The following DOCK8 variants were observed in gnomAD, a reference collection of about 807,000 sequenced individuals.
DOCK8 encodes dedicator of cytokinesis protein 8.
DOCK8 carries 141 observed loss-of-function variants against 245.6 expected under a neutral mutation model. That is an observed-to-expected ratio of 0.57 (90% CI 0.50 to 0.66). The LOEUF (loss-of-function observed/expected upper bound fraction) is 0.66, where lower values mean the gene tolerates loss of function less well. DOCK8 is among the 30% of genes least tolerant of loss of function. The pLI is 0.00. For missense variants in DOCK8, 2,965 were observed against 2,603.4 expected (o/e 1.14, Z -3.02); for synonymous variants, 1,168 against 970.2 (o/e 1.20, Z -3.79).
intron 1 of DOCK8, among the ~76,000 whole-genome samples, chr9:254,335 C>G (rs2047719417): frequency 6.6e-6 from 1 of 152,170 alleles, no homozygotes; most frequent in African/African-American, 2.4e-5. Context: ...GAATAATTCC[C>G]AACTCTTGCT....
At chr9:373,890 A>T (rs1342680546) in intron 18 of DOCK8, among the ~76,000 whole-genome samples, 1 of 152,100 alleles carries the variant, frequency 6.6e-6, no homozygotes, top group Non-Finnish European at 1.5e-5. Flanking sequence ...TCTTATCATC[A>T]AGTTGCACAC....
At chr9:326,383 A>G (rs1001324075) in intron 8 of DOCK8, among the ~76,000 whole-genome samples, 1 of 152,194 alleles carries the variant, frequency 6.6e-6, no homozygotes, top group African/African-American at 2.4e-5. Flanking sequence ...GTTAACTGCT[A>G]AAACAAGCAG....
intron 1 of DOCK8, among the ~76,000 whole-genome samples, chr9:217,117 C>G (rs971839302): frequency 6.6e-6 from 1 of 152,106 alleles, no homozygotes; most frequent in African/African-American, 2.4e-5. Flanking sequence ...AATTTAGAGA[C>G]AGTACAGAAA....
At chr9:397,207 C>A (rs964943725) in intron 25 of DOCK8, among the ~76,000 whole-genome samples, 1 of 151,412 alleles carries the variant, frequency 6.6e-6, no homozygotes, top group Non-Finnish European at 1.5e-5. Flanking sequence ...TAAAAATTAG[C>A]TGAGCATGGT....
At chr9:214,071 A>G (rs2046674511), upstream of DOCK8, 1 of 157,616 alleles carries the variant, frequency 6.3e-6, no homozygotes, top group African/African-American at 2.4e-5. Flanking sequence ...GAGGCATTAT[A>G]TGGAGAGTGC....
intron 11 of DOCK8, among the ~76,000 whole-genome samples, chr9:336,110 G>T (rs2051297505): frequency 6.6e-6 from 1 of 152,322 alleles, no homozygotes. Context: ...CACATAATGA[G>T]AGCAGAGGAA....
At chr9:306,809 G>A (rs1251281487) in intron 5 of DOCK8, among the ~76,000 whole-genome samples, 2 of 152,168 alleles carry the variant, frequency 1.3e-5, no homozygotes, top group African/African-American at 2.4e-5. Context: ...CAGGTCTAGG[G>A]GAAGATCTTG....
At chr9:401,205 A>AG (rs964715737) in intron 26 of DOCK8, among the ~76,000 whole-genome samples, 15 of 150,984 alleles carry the variant, frequency 9.9e-5, no homozygotes, top group Admixed American at 2.6e-4. Context: ...TAAAATAAGA[A>AG]GGGGGGGTTG....
At chr9:299,450 A>T (rs112106769) in intron 4 of DOCK8, among the ~76,000 whole-genome samples, 2 of 151,986 alleles carry the variant, frequency 1.3e-5, no homozygotes, top group South Asian at 2.1e-4. Flanking sequence ...TTTTGTAGAG[A>T]TGCGGTTTCA....
intron 4 of DOCK8, among the ~76,000 whole-genome samples, chr9:301,551 AACTAGCTCTGTC>A (rs762178713): frequency 6.6e-6 from 1 of 152,242 alleles, no homozygotes; most frequent in Non-Finnish European, 1.5e-5. Context: ...GAGGAAGTCA[AACTAGCTCTGTC>A]ACAGTGCAGG....
intron 1 of DOCK8, among the ~76,000 whole-genome samples, chr9:255,808 T>TA (rs1225226912): frequency 6.6e-6 from 1 of 152,138 alleles, no homozygotes; most frequent in East Asian, 1.9e-4. Context: ...CTATATTTTA[T>TA]ACAACAAACA....
At chr9:452,874 T>C (rs76938458) in intron 46 of DOCK8, 1 of 152,206 alleles carries the variant, frequency 6.6e-6, no homozygotes, top group Non-Finnish European at 1.5e-5. Context: ...TTGTAATTTA[T>C]TGCAATACAG....
chr9:412,775 A>C (rs1161468705), intron 28 of DOCK8, among the ~76,000 whole-genome samples: 1 of 152,202 alleles, frequency 6.6e-6, no homozygotes, highest in Admixed American at 6.5e-5. Context: ...TAAATGGAGG[A>C]TATCATATGT....
intron 26 of DOCK8, among the ~76,000 whole-genome samples, chr9:403,966 A>T (rs1391112670): frequency 1.4e-5 from 1 of 72,736 alleles, no homozygotes; most frequent in Non-Finnish European, 2.3e-5. Context: ...ATATGTATAT[A>T]TATATATATG....
chr9:404,239 C>G (rs2055310340), intron 26 of DOCK8, among the ~76,000 whole-genome samples: 1 of 151,782 alleles, frequency 6.6e-6, no homozygotes, highest in Non-Finnish European at 1.5e-5. Flanking sequence ...GGGGTCTCTT[C>G]CAGACAGTCA....
chr9:257,094 T>C lies in DOCK8; in HGVS notation c.54-14533T>C, dbSNP rs567840753. 9.8e-5 allele frequency among the ~76,000 whole-genome samples: 15 copies of C among 152,318 alleles called. No homozygotes were observed. The East Asian group carries it at 2.9e-3, about 29-fold the overall frequency. On this transcript the variant is annotated intron_variant, in intron 1 of 47. Coordinates refer to ENST00000432829, the MANE Select transcript of DOCK8 (RefSeq NM_203447.4). ...TAATAGCTTCATAACTTTGGAACAG[T>C]GCAGTGTCTTTGGTTTAAGAAGCAT...
In DOCK8 at chr9:328,140, A is replaced by G. The variant is rs773043156; in HGVS notation, c.1013A>G (p.Tyr338Cys). ...QARSAVFSVTYPSSDIYLVVK... is the reference protein window; with the variant it reads ...QARSAVFSVTCPSSDIYLVVK... ...AGATCTGCAGTCTTCTCAGTCACCT[A>G]CCCGTCCTCAGACATCTACCTGGTA... The change falls in exon 9 of 48, where the codon TAC becomes TGC. Residue 338 changes from tyrosine to cysteine, a missense_variant. Transcript: ENST00000432829. The G allele has an allele frequency of 2.5e-6, 4 of 1,614,064 alleles. No individual in the cohort carries two copies. In the South Asian group the frequency reaches 3.3e-5, roughly 13 times the overall value.
chr9:263,173 C>A (rs1446094873), intron 1 of DOCK8, among the ~76,000 whole-genome samples: 2 of 151,072 alleles, frequency 1.3e-5, no homozygotes, highest in Admixed American at 6.6e-5. Flanking sequence ...CACCACTGCA[C>A]TTCAACCTGG....
At chr9:249,830 G>C (rs1417285621) in intron 1 of DOCK8, among the ~76,000 whole-genome samples, 3 of 148,994 alleles carry the variant, frequency 2.0e-5, no homozygotes. Flanking sequence ...GTTTCACCAT[G>C]TTGGTCAGGT....
Sources: allele counts gnomAD v4.1 joint callset (sites outside exome capture counted in the v4.1 genomes callset), GRCh38; gene constraint gnomAD v4.1.1; transcripts MANE v1.5; gene names NCBI Gene and HGNC (gene_info 2026-07-23, HGNC 2026-07-21).